MAGI2: variants seen among roughly 807,000 people sequenced by gnomAD.
MAGI2 encodes membrane associated guanylate kinase, WW and PDZ domain containing 2.
Under a neutral mutation model 133.3 loss-of-function variants are expected in MAGI2, and 35 were observed. The observed-to-expected ratio is 0.26, with a 90% CI of 0.20 to 0.35. MAGI2 has a LOEUF of 0.35. Ranked by LOEUF, MAGI2 falls within the 10% of genes least tolerant of loss-of-function variation. The pLI is 1.00. For missense variants in MAGI2, 1,636 were observed against 1,863.4 expected, an observed-to-expected ratio of 0.88 and a Z score of 2.25; for synonymous variants, 729 against 710.6, an observed-to-expected ratio of 1.03 and a Z score of -0.41.
intron 10 of MAGI2, among the ~76,000 whole-genome samples, chr7:78,220,080 C>T (rs537530720): frequency 7.2e-5 from 11 of 152,150 alleles, no homozygotes; most frequent in Non-Finnish European, 1.6e-4. Flanking sequence ...CTGCCTGCAG[C>T]TCCAGCCCCA....
intron 2 of MAGI2, among the ~76,000 whole-genome samples, chr7:78,932,523 C>A (rs1800215856): frequency 6.6e-6 from 1 of 150,534 alleles, no homozygotes. Flanking sequence ...AAAAAAAAAA[C>A]ACTGCATAAA....
At chr7:78,545,977 A>G (rs112085095) in intron 3 of MAGI2, among the ~76,000 whole-genome samples, 67 of 152,350 alleles carry the variant, frequency 4.4e-4, no homozygotes, top group African/African-American at 1.4e-3. Context: ...GTTAAATAAT[A>G]TATTGAATAT....
At chr7:79,220,942 T>G (rs541427418) in intron 1 of MAGI2, among the ~76,000 whole-genome samples, 1 of 152,060 alleles carries the variant, frequency 6.6e-6, no homozygotes, top group East Asian at 1.9e-4. Context: ...AATAAAAACT[T>G]AAGGTCATCC....
chr7:79,429,543 G>A (rs1401326980), intron 1 of MAGI2, among the ~76,000 whole-genome samples: 3 of 152,030 alleles, frequency 2.0e-5, no homozygotes, highest in African/African-American at 7.2e-5. Context: ...GGCCTCAAGT[G>A]ATCCGCCTGC....
intron 3 of MAGI2, among the ~76,000 whole-genome samples, chr7:78,555,648 C>T (rs1306477688): frequency 6.6e-6 from 1 of 152,144 alleles, no homozygotes; most frequent in Non-Finnish European, 1.5e-5. Context: ...ATTTATGTTG[C>T]TACCTGCTGA....
intron 6 of MAGI2, among the ~76,000 whole-genome samples, chr7:78,460,127 T>G (rs1432489532): frequency 6.6e-6 from 1 of 152,224 alleles, no homozygotes; most frequent in Non-Finnish European, 1.5e-5. Flanking sequence ...TATGGCATCA[T>G]GTGATCATAC....
intron 6 of MAGI2, among the ~76,000 whole-genome samples, chr7:78,469,543 G>T (rs1271883824): frequency 6.6e-6 from 1 of 152,060 alleles, no homozygotes; most frequent in Non-Finnish European, 1.5e-5. Flanking sequence ...TCTCTCTTTG[G>T]GATTAGCCCA....
intron 6 of MAGI2, among the ~76,000 whole-genome samples, chr7:78,406,574 T>C (rs1427032469): frequency 1.3e-5 from 2 of 152,044 alleles, no homozygotes; most frequent in South Asian, 2.1e-4. Context: ...AGAATGTCAT[T>C]TTCCTTGGAA....
chr7:78,418,997 G>T lies in MAGI2; in HGVS notation c.1046-49784C>A, dbSNP rs1197698278. On this transcript the variant is annotated intron_variant, in intron 6 of 21. Transcript: ENST00000354212. ...GCCCCTGCCAAAATGATAATAAATTGCCTGGAAATTAGGAAGTTCATTATA... is the reference window on the plus strand; with the variant it reads ...GCCCCTGCCAAAATGATAATAAATTTCCTGGAAATTAGGAAGTTCATTATA... 3.9e-5 allele frequency among the ~76,000 whole-genome samples: 6 copies of T among 152,110 alleles called. No individual in the cohort carries two copies. In the South Asian group the frequency reaches 6.2e-4, roughly 16 times the overall value.
chr7:78,998,989 A>T (rs1475750251), intron 2 of MAGI2, among the ~76,000 whole-genome samples: 3 of 152,138 alleles, frequency 2.0e-5, no homozygotes, highest in African/African-American at 7.2e-5. Flanking sequence ...TTTTCCATCA[A>T]AACTGTTGAC....
chr7:78,178,636 G>T (rs1440490555), intron 13 of MAGI2, among the ~76,000 whole-genome samples: 1 of 151,578 alleles, frequency 6.6e-6, no homozygotes, highest in Non-Finnish European at 1.5e-5. Context: ...CCCAATAGAA[G>T]TTGTCTCTTT....
intron 20 of MAGI2, among the ~76,000 whole-genome samples, chr7:78,119,174 T>C (rs987918540): frequency 6.6e-6 from 1 of 152,126 alleles, no homozygotes; most frequent in Non-Finnish European, 1.5e-5. Flanking sequence ...GAATGAATAG[T>C]GGAACACGGA....
chr7:78,992,560 T>A (rs1194676345), intron 2 of MAGI2, among the ~76,000 whole-genome samples: 1 of 152,038 alleles, frequency 6.6e-6, no homozygotes, highest in African/African-American at 2.4e-5. Context: ...ATAAAGAGAA[T>A]AACATCTGGC....
chr7:78,838,500 A>ATG lies in MAGI2; in HGVS notation c.418+168588_418+168589dup, dbSNP rs1317337900. ...TAAAAATTAATTAAATAAAAGCATT[A>ATG]TGTGTGTGAGTGTGTGTGTGTGTGT... On this transcript the variant is annotated intron_variant, in intron 2 of 21. Coordinates refer to ENST00000354212, the MANE Select transcript of MAGI2 (RefSeq NM_012301.4). 1.8e-4 allele frequency among the ~76,000 whole-genome samples: 19 copies of ATG among 103,474 alleles called. No homozygotes were observed. The East Asian group carries it at 4.2e-3, about 23-fold the overall frequency. 67.9% of individuals were successfully genotyped at this position (103,474 alleles called of 152,430 possible). A position where few individuals can be genotyped will look rare whatever the true frequency, so the allele number is the denominator to read the frequency against.
At chr7:78,224,604 C>T (rs1299442152) in intron 10 of MAGI2, among the ~76,000 whole-genome samples, 1 of 151,722 alleles carries the variant, frequency 6.6e-6, no homozygotes, top group Non-Finnish European at 1.5e-5. Flanking sequence ...AGGTGGAGGT[C>T]GCAGTGAGCC....
chr7:78,909,117 G>GAA (rs377390532), intron 2 of MAGI2, among the ~76,000 whole-genome samples: 6 of 110,442 alleles, frequency 5.4e-5, no homozygotes, highest in African/African-American at 6.8e-5. Context: ...AAATGTACAA[G>GAA]AAAAAAAAAA....
At position 78,628,107 on chromosome 7, in the gene MAGI2, C is replaced by T. The variant is rs1046771465; in HGVS notation, c.419-868G>A. Among the ~76,000 whole-genome samples the T allele has an allele frequency of 3.3e-5, 5 of 152,208 alleles. No individual in the cohort carries two copies. The South Asian group carries it at 1.0e-3, about 31-fold the overall frequency. On this transcript the variant is annotated intron_variant, in intron 2 of 21. Coordinates refer to ENST00000354212, the MANE Select transcript of MAGI2 (RefSeq NM_012301.4). ...GTCCAGCTCTCCTGAAGAACACAGC[C>T]TCCCAGGCATGCTGTCCAGTTTGTG...
intron 2 of MAGI2, among the ~76,000 whole-genome samples, chr7:78,797,426 G>A (rs929315606): frequency 6.6e-6 from 1 of 151,984 alleles, no homozygotes; most frequent in African/African-American, 2.4e-5. Context: ...TAGGAAACTG[G>A]GGAATTCAGC....
At chr7:79,176,927 C>T (rs1826150648) in intron 1 of MAGI2, 1 of 151,986 alleles carries the variant, frequency 6.6e-6, no homozygotes, top group African/African-American at 2.4e-5. Context: ...CATATGGCAA[C>T]AAACAATCGC....
Sources: allele counts gnomAD v4.1 joint callset (sites outside exome capture counted in the v4.1 genomes callset), GRCh38; gene constraint gnomAD v4.1.1; transcripts MANE v1.5; gene names NCBI Gene and HGNC (gene_info 2026-07-23, HGNC 2026-07-21).